The following GLS variants were observed in gnomAD, a reference collection of about 807,000 sequenced individuals.
GLS encodes the protein glutaminase kidney isoform, mitochondrial.
Under a neutral mutation model 86.7 loss-of-function variants are expected in GLS, and 36 were observed. That is an observed-to-expected ratio of 0.42 (90% CI 0.32 to 0.55). The LOEUF (loss-of-function observed/expected upper bound fraction) is 0.55, where lower values mean the gene tolerates loss of function less well. GLS is among the 20% of genes least tolerant of loss of function. The pLI, the probability that GLS is intolerant of heterozygous loss-of-function variation, is 0.17. For synonymous variants in GLS, 317 were observed against 305.9 expected, an observed-to-expected ratio of 1.04 and a Z score of -0.38; for missense variants, 528 against 833.4, an observed-to-expected ratio of 0.63 and a Z score of 4.51.
rs187898385 is a variant in GLS, at chr2:190,884,146, C to A, written c.386+2676C>A. Reference sequence around the variant, plus strand: ...TTTTCAAAATTGTTCTCTCTTCTTTCCTAGTTCTTTTTGAATTTCCTCACT... The same window carrying A: ...TTTTCAAAATTGTTCTCTCTTCTTTACTAGTTCTTTTTGAATTTCCTCACT... On this transcript the variant is annotated intron_variant, in intron 1 of 17. Transcript: ENST00000320717. Among the ~76,000 whole-genome samples, 13 of 152,264 alleles carry A rather than the reference C, an allele frequency of 8.5e-5. 1 individual carries two copies. The highest frequency in any genetic ancestry group is 5.2e-4 in the Admixed American group (8 of 15,288).
rs999312755 is a variant in GLS, at chr2:190,880,838, G to T, written c.-247G>T. The T allele has an allele frequency of 5.3e-5, 41 of 769,950 alleles. 2 individuals are homozygous for T. In the South Asian group the frequency reaches 5.9e-4, roughly 11 times the overall value. The allele number at this position is 769,950 out of a possible 1,614,324, so 47.7% of individuals were successfully genotyped here. ...TTAGCCTCAGTGCGGAGCCTTAGGC[G>T]GAGCGAAGAGAACCGGTCGCGGCAA... On this transcript the variant is annotated 5_prime_UTR_variant, in exon 1 of 18. Transcript: ENST00000320717.
rs1358703565 is a variant in GLS, at chr2:190,921,967, G to C, written c.1130+764G>C. Among the ~76,000 whole-genome samples the C allele has an allele frequency of 2.6e-5, 4 of 152,030 alleles. No homozygotes were observed. The highest frequency in any genetic ancestry group is 4.4e-5 in the Non-Finnish European group (3 of 67,956). On this transcript the variant is annotated intron_variant, in intron 9 of 17. Coordinates refer to ENST00000320717, the MANE Select transcript of GLS (RefSeq NM_014905.5). The surrounding 1 kb of genome is among the most constrained non-coding windows in gnomAD (Gnocchi z 4.2). ...GATGTCTGTTTTGTCTCTTTACTTA[G>C]AACAGTCCCCGTGCCCTTGCTTTCA...
intron 7 of GLS, among the ~76,000 whole-genome samples, chr2:190,912,672 G>C (rs958999753): frequency 1.3e-5 from 2 of 152,030 alleles, no homozygotes; most frequent in African/African-American, 4.8e-5. Flanking sequence ...AATTGGACTT[G>C]AACTAAATCT....
At chr2:190,912,814 C>T (rs1400574528) in intron 7 of GLS, among the ~76,000 whole-genome samples, 1 of 152,060 alleles carries the variant, frequency 6.6e-6, no homozygotes, top group African/African-American at 2.4e-5. Flanking sequence ...AGTACTATTT[C>T]CTTAATTTGA....
At chr2:190,885,997 C>T (rs1224524747) in intron 1 of GLS, among the ~76,000 whole-genome samples, 1 of 151,932 alleles carries the variant, frequency 6.6e-6, no homozygotes, top group Non-Finnish European at 1.5e-5. Flanking sequence ...CTCAGCCCCC[C>T]ATGTAGCTGG....
At chr2:190,887,872 T>C (rs1409449295) in intron 1 of GLS, among the ~76,000 whole-genome samples, 1 of 152,198 alleles carries the variant, frequency 6.6e-6, no homozygotes, top group Non-Finnish European at 1.5e-5. Context: ...TGTTTGCAGG[T>C]ACTTTTTAGG....
chr2:190,881,120 C>G lies in GLS; in HGVS notation c.36C>G (p.Asp12Glu). ...TGCGAGGCTCGGGGATGCTGCGGGA[C>G]CTGCTCCTGCGGTCGCCCGCCGGCG... is the stretch of plus-strand genomic sequence containing the variant. ...MRLRGSGMLRDLLLRSPAGVS... is the reference protein window; with the variant it reads ...MRLRGSGMLRELLLRSPAGVS... The change falls in exon 1 of 18, where the codon GAC becomes GAG. Residue 12 changes from aspartate to glutamate, a missense_variant. By Grantham distance (45) the Asp-to-Glu change is conservative. This residue lies in a region of GLS where 224 missense variants were observed against 187.9 expected (regional missense o/e 1.19). Transcript: ENST00000320717. The G allele has an allele frequency of 1.9e-6, 3 of 1,561,008 alleles. No individual in the cohort carries two copies. The highest frequency in any genetic ancestry group is 2.6e-6 in the Non-Finnish European group (3 of 1,161,872).
chr2:190,886,754 A>G lies in GLS; in HGVS notation c.386+5284A>G, dbSNP rs569408287. On this transcript the variant is annotated intron_variant, in intron 1 of 17. Transcript: ENST00000320717. Reference sequence around the variant, plus strand: ...AACATGGTGAAACACTGTCTCTACTAAAAATACAAAAATTAGCCAGGAGTG... The same window carrying G: ...AACATGGTGAAACACTGTCTCTACTGAAAATACAAAAATTAGCCAGGAGTG... 5.3e-5 allele frequency among the ~76,000 whole-genome samples: 8 copies of G among 152,100 alleles called. No homozygotes were observed. The East Asian group carries it at 1.5e-3, about 29-fold the overall frequency.
rs1690505857 is a variant in GLS at position 190,943,623 on chromosome 2, T to A, written c.1651-9942T>A. ...ATTTTTTTTAGATAGAACAATTGCTTTATTTTTTAGTGTCTTAAAATATGC... is the reference window on the plus strand; with the variant it reads ...ATTTTTTTTAGATAGAACAATTGCTATATTTTTTAGTGTCTTAAAATATGC... On this transcript the variant is annotated intron_variant, in intron 14 of 17. Transcript: ENST00000320717. This position sits in a 1 kb window ranked among gnomAD's most constrained non-coding sequence, Gnocchi z 4.5. 6.6e-6 allele frequency among the ~76,000 whole-genome samples: 1 copy of A among 152,214 alleles called. No individual in the cohort carries two copies.
chr2:190,886,916 CAAAAA>C (rs11299475), intron 1 of GLS, among the ~76,000 whole-genome samples: 4 of 118,376 alleles, frequency 3.4e-5, no homozygotes, highest in African/African-American at 3.1e-5. Context: ...ACTCTTGTCT[CAAAAA>C]AAAAAAAAAA....
rs1251570956 is a variant in GLS at position 190,921,009 on chromosome 2, C to T, written c.1039-15C>T. On this transcript the variant is annotated splice_polypyrimidine_tract_variant and intron_variant, in intron 7 of 17. Coordinates refer to ENST00000320717, the MANE Select transcript of GLS (RefSeq NM_014905.5). The surrounding 1 kb of genome is among the most constrained non-coding windows in gnomAD (Gnocchi z 4.2). ...TACCTATATTAACGTATTTATGTCT[C>T]TTATTTTTTTGCAGCAAGGAGTAAA... 6 of 1,449,716 alleles carry T rather than the reference C, an allele frequency of 4.1e-6. No homozygotes were observed. The highest frequency in any genetic ancestry group is 2.1e-4 in the Middle Eastern group (1 of 4,664). The allele number at this position is 1,449,716 out of a possible 1,614,324, so 89.8% of individuals were successfully genotyped here. A position where few individuals can be genotyped will look rare whatever the true frequency, so the allele number is the denominator to read the frequency against.
At chr2:190,904,512 A>T (rs562422366) in intron 5 of GLS, among the ~76,000 whole-genome samples, 4 of 152,098 alleles carry the variant, frequency 2.6e-5, no homozygotes, top group Non-Finnish European at 4.4e-5. Context: ...ACATAGGTCA[A>T]TTCTGTATCC....
intron 1 of GLS, among the ~76,000 whole-genome samples, chr2:190,883,816 G>A (rs1488784073): frequency 1.3e-5 from 2 of 152,264 alleles, no homozygotes; most frequent in African/African-American, 4.8e-5. Flanking sequence ...AGTTCACATG[G>A]CTGGGATATC....
chr2:190,917,950 G>A (rs755825640), intron 7 of GLS, among the ~76,000 whole-genome samples: 4 of 152,078 alleles, frequency 2.6e-5, no homozygotes, highest in Admixed American at 6.6e-5. Context: ...TTTTTGAGCC[G>A]TAGGTTTCAA....
In GLS at chr2:190,924,664, C is replaced by A; in HGVS notation, c.1248+71C>A. 1.2e-6 allele frequency: 1 copy of A among 849,596 alleles called. No homozygotes were observed. The highest frequency in any genetic ancestry group is 2.0e-6 in the Non-Finnish European group (1 of 493,982). The allele number at this position is 849,596 out of a possible 1,614,324, so 52.6% of individuals were successfully genotyped here. ...GGGCACGGTGGCTCACGCCTGTAAT[C>A]CCAGCACTTTGGGAGGCCAGGGCAG... On this transcript the variant is annotated intron_variant, in intron 11 of 17. Coordinates refer to ENST00000320717, the MANE Select transcript of GLS (RefSeq NM_014905.5). The surrounding 1 kb of genome is among the most constrained non-coding windows in gnomAD (Gnocchi z 5.2).
chr2:190,900,456 T>A, intron 3 of GLS, 108 bp from the exon 4 acceptor site: 2 of 506,684 alleles, frequency 3.9e-6, no homozygotes, highest in Admixed American at 3.6e-5. Context: ...TTGTATAAAA[T>A]GATAAATTTA....
At chr2:190,893,144 G>GT (rs1267711639) in intron 1 of GLS, among the ~76,000 whole-genome samples, 1 of 152,158 alleles carries the variant, frequency 6.6e-6, no homozygotes, top group African/African-American at 2.4e-5. Flanking sequence ...AGCTGGTTCA[G>GT]TTTTTTCTTT....
chr2:190,927,234 A>G (rs893605509), intron 11 of GLS, 72 bp from the exon 12 acceptor site: 2 of 1,109,160 alleles, frequency 1.8e-6, no homozygotes, highest in African/African-American at 1.6e-5. Context: ...AATACCAAAT[A>G]AAATAGATTA....
rs548250835 is a variant in GLS at position 190,958,167 on chromosome 2, G to T, written c.1853+3349G>T. 2.0e-5 allele frequency among the ~76,000 whole-genome samples: 3 copies of T among 152,172 alleles called. No individual in the cohort carries two copies. In the East Asian group the frequency reaches 5.8e-4, roughly 29 times the overall value. On this transcript the variant is annotated intron_variant, in intron 17 of 17. Coordinates refer to ENST00000320717, the MANE Select transcript of GLS (RefSeq NM_014905.5). ...CTTCTTCCTGGTTTAGACTTGGGAGGGTGTATGTGTCCAGGAATTTATCAA... is the reference window on the plus strand; with the variant it reads ...CTTCTTCCTGGTTTAGACTTGGGAGTGTGTATGTGTCCAGGAATTTATCAA...
Sources: allele counts gnomAD v4.1 joint callset (sites outside exome capture counted in the v4.1 genomes callset), GRCh38; gene constraint gnomAD v4.1.1; regional missense constraint gnomAD v4.1.1; non-coding constraint Gnocchi (gnomAD v3.1); transcripts MANE v1.5; gene names NCBI Gene and HGNC (gene_info 2026-07-23, HGNC 2026-07-21).